ZBTB8A: variants seen among roughly 807,000 people sequenced by gnomAD.
The protein encoded by ZBTB8A is zinc finger and BTB domain-containing protein 8A.
In ZBTB8A, 19 loss-of-function variants were observed where a neutral mutation model predicts 37.8. The ratio of observed to expected loss-of-function variants is 0.50; its 90% confidence interval spans 0.35 to 0.74. The LOEUF (loss-of-function observed/expected upper bound fraction) is 0.74. ZBTB8A is among the 30% of genes least tolerant of loss of function. The pLI is 0.01. For synonymous variants in ZBTB8A, 181 were observed against 185.2 expected (o/e 0.98, Z 0.19); for missense variants, 394 against 537.8 (o/e 0.73, Z 2.65).
At chr1:32,557,741 G>A (rs1280209648) in intron 2 of ZBTB8A, among the ~76,000 whole-genome samples, 1 of 152,136 alleles carries the variant, frequency 6.6e-6, no homozygotes, top group Non-Finnish European at 1.5e-5. Flanking sequence ...TGGGATTATA[G>A]GTGTAAGCCA....
chr1:32,551,429 A>T (rs1352745538), intron 1 of ZBTB8A, among the ~76,000 whole-genome samples: 1 of 152,008 alleles, frequency 6.6e-6, no homozygotes, highest in Non-Finnish European at 1.5e-5. Context: ...CTCAAAAAAA[A>T]AAGTGCTGGG....
In ZBTB8A at chr1:32,554,288, A is replaced by G. The variant is rs561331548; in HGVS notation, c.-2+748A>G. On this transcript the variant is annotated intron_variant, in intron 2 of 4. Transcript: ENST00000373510. ...TTTATTTCTTGGAAATTCACTGTCTAAGATGTTCAGCGTTCTGATTTTTTT... is the reference window on the plus strand; with the variant it reads ...TTTATTTCTTGGAAATTCACTGTCTGAGATGTTCAGCGTTCTGATTTTTTT... Among the ~76,000 whole-genome samples the G allele has an allele frequency of 1.8e-3, 277 of 150,826 alleles. 2 individuals carry two copies. The highest frequency in any genetic ancestry group is 6.9e-3 in the Middle Eastern group (2 of 290).
intron 2 of ZBTB8A, among the ~76,000 whole-genome samples, chr1:32,555,605 G>T (rs757395193): frequency 6.6e-6 from 1 of 151,948 alleles, no homozygotes; most frequent in Non-Finnish European, 1.5e-5. Context: ...CCATCCTGCC[G>T]CACAATCATG....
intron 2 of ZBTB8A, among the ~76,000 whole-genome samples, chr1:32,569,165 G>A (rs1471094625): frequency 6.6e-6 from 1 of 152,110 alleles, no homozygotes; most frequent in Non-Finnish European, 1.5e-5. Flanking sequence ...TGGTGGGTGT[G>A]TAATGACATT....
chr1:32,593,452 T>C lies in ZBTB8A; in HGVS notation c.521T>C (p.Ile174Thr). 2 of 1,613,690 alleles carry C rather than the reference T, an allele frequency of 1.2e-6. No homozygotes were observed. Among genetic ancestry groups the C allele is most frequent in the Non-Finnish European group, 1.7e-6 (2 of 1,179,822 alleles). The change falls in exon 3 of 5, where the codon ATA becomes ACA. Residue 174 changes from isoleucine to threonine, a missense_variant. Ile to Thr is a moderately conservative substitution (Grantham distance 89, BLOSUM62 -1). Around this residue, in one of 4 missense-constraint regions of ZBTB8A, gnomAD observed 171 missense variants for 186.8 expected, o/e 0.92. Transcript: ENST00000373510. ...CTAAGCCCAGAGCAAGGAACAGGTA[T>C]AATAAGTGGAAAATCTTGGAATAAG... ...SHLSPEQGTG[I>T]ISGKSWNKYN...
In ZBTB8A at chr1:32,601,776, C is replaced by A; in HGVS notation, c.*1357C>A. 1 of 397,792 alleles carries A rather than the reference C, an allele frequency of 2.5e-6. No homozygotes were observed. The highest frequency in any genetic ancestry group is 1.3e-4 in the South Asian group (1 of 7,680). 24.6% of individuals were successfully genotyped at this position (397,792 alleles called of 1,614,324 possible). A position where few individuals can be genotyped will look rare whatever the true frequency, so the allele number is the denominator to read the frequency against. On this transcript the variant is annotated 3_prime_UTR_variant, in exon 5 of 5. Coordinates refer to ENST00000373510, the MANE Select transcript of ZBTB8A (RefSeq NM_001040441.3). ...GCAGTCATTATAAAAATAAGCCAAT[C>A]AGAATTAGAAAGTATGAAAGGAGGA...
At position 32,595,102 on chromosome 1, in the gene ZBTB8A, T is replaced by C; in HGVS notation, c.872T>C (p.Val291Ala). 1 of 1,614,224 alleles carries C rather than the reference T, an allele frequency of 6.2e-7. No individual in the cohort carries two copies. The highest frequency in any genetic ancestry group is 8.5e-7 in the Non-Finnish European group (1 of 1,180,030). Residue 291 changes from valine (V) to alanine (A), a missense_variant, in exon 4 of 5, where the codon GTG becomes GCG. Transcript: ENST00000373510. The stretch of plus-strand genomic sequence containing the variant: ...AAGTGCCCGTACTGCACACATGTGG[T>C]GAAGCGGAAGGCAGACCTAAAGCGC... ...RFKCPYCTHVVKRKADLKRHL... is the reference protein window; with the variant it reads ...RFKCPYCTHVAKRKADLKRHL...
At chr1:32,568,668 G>A (rs1397666470) in intron 2 of ZBTB8A, among the ~76,000 whole-genome samples, 1 of 152,134 alleles carries the variant, frequency 6.6e-6, no homozygotes, top group Non-Finnish European at 1.5e-5. Context: ...TTACAGGCGT[G>A]AGCCACTGCG....
At chr1:32,585,602 T>C (rs976532013) in intron 2 of ZBTB8A, among the ~76,000 whole-genome samples, 3 of 152,114 alleles carry the variant, frequency 2.0e-5, no homozygotes, top group Admixed American at 6.6e-5. Context: ...ATTATAAAGA[T>C]GTGAATTCTC....
chr1:32,595,459 G>T (rs1644523027), intron 4 of ZBTB8A, among the ~76,000 whole-genome samples: 1 of 151,688 alleles, frequency 6.6e-6, no homozygotes. Context: ...TAGAGATGGG[G>T]TTTCACCACA....
In ZBTB8A at chr1:32,562,298, C is replaced by T. The variant is rs754946761; in HGVS notation, c.-2+8758C>T. Among the ~76,000 whole-genome samples, 6 of 151,676 alleles carry T rather than the reference C, an allele frequency of 4.0e-5. No homozygotes were observed. The South Asian group carries it at 1.0e-3, about 26-fold the overall frequency. ...AATTATTTTTTGAGATGGAGTTTTG[C>T]TCTTGTTGCCTTGCCCAGGCTGGGG... On this transcript the variant is annotated intron_variant, in intron 2 of 4. Coordinates refer to ENST00000373510, the MANE Select transcript of ZBTB8A (RefSeq NM_001040441.3).
intron 3 of ZBTB8A, among the ~76,000 whole-genome samples, chr1:32,594,102 G>A (rs1267959357): frequency 6.6e-6 from 1 of 151,678 alleles, no homozygotes; most frequent in Non-Finnish European, 1.5e-5. Flanking sequence ...GCTGAGGCAG[G>A]AGAATCACTT....
intron 2 of ZBTB8A, among the ~76,000 whole-genome samples, chr1:32,573,266 G>A (rs552093886): frequency 8.0e-5 from 12 of 149,506 alleles, no homozygotes; most frequent in Admixed American, 4.7e-4. Flanking sequence ...AGTAGAGATG[G>A]GGTTTCAGCA....
Position 32,563,303 on chromosome 1 carries a change from G to A in ZBTB8A, c.-2+9763G>A, listed in dbSNP as rs979360840. ...TCCCAGCAGTTTGGGAGGCCAAGGC[G>A]GGAGGATCCCGTGGGCCCAGGAGTT... On this transcript the variant is annotated intron_variant, in intron 2 of 4. Transcript: ENST00000373510. Among the ~76,000 whole-genome samples, 7 of 152,212 alleles carry A rather than the reference G, an allele frequency of 4.6e-5. No individual in the cohort carries two copies. The East Asian group carries it at 5.8e-4, about 13-fold the overall frequency.
chr1:32,586,418 T>A (rs1644449979), intron 2 of ZBTB8A, among the ~76,000 whole-genome samples: 1 of 152,160 alleles, frequency 6.6e-6, no homozygotes, highest in Admixed American at 6.5e-5. Context: ...TTCAAGGAGC[T>A]GGAATACATA....
intron 4 of ZBTB8A, among the ~76,000 whole-genome samples, chr1:32,599,314 C>T (rs372595939): frequency 9.2e-5 from 14 of 151,440 alleles, no homozygotes; most frequent in East Asian, 7.7e-4. Context: ...AGTCCCAGCT[C>T]CTCGGTAGGT....
At chr1:32,559,533 G>A (rs1644227846) in intron 2 of ZBTB8A, among the ~76,000 whole-genome samples, 2 of 151,926 alleles carry the variant, frequency 1.3e-5, no homozygotes, top group South Asian at 2.1e-4. Context: ...GCATGATCAC[G>A]GCTCGCTGCA....
At chr1:32,555,353 C>T (rs997222218) in intron 2 of ZBTB8A, among the ~76,000 whole-genome samples, 6 of 152,196 alleles carry the variant, frequency 3.9e-5, no homozygotes, top group Admixed American at 2.0e-4. Flanking sequence ...GGTGCCACTG[C>T]ACTCCAGCCT....
intron 1 of ZBTB8A, among the ~76,000 whole-genome samples, chr1:32,540,409 A>T (rs192993710): frequency 6.6e-6 from 1 of 152,158 alleles, no homozygotes; most frequent in Non-Finnish European, 1.5e-5. Flanking sequence ...TAGTTGCACA[A>T]CTTTAAATGG....
Sources: allele counts gnomAD v4.1 joint callset (sites outside exome capture counted in the v4.1 genomes callset), GRCh38; gene constraint gnomAD v4.1.1; regional missense constraint gnomAD v4.1.1; transcripts MANE v1.5; gene names NCBI Gene and HGNC (gene_info 2026-07-23, HGNC 2026-07-21).